RAB8A: variants seen among roughly 807,000 people sequenced by gnomAD.
RAB8A encodes RAB8A, member RAS oncogene family.
Under a neutral mutation model 29.2 loss-of-function variants are expected in RAB8A, and 5 were observed. That is an observed-to-expected ratio of 0.17 (90% CI 0.09 to 0.36). The LOEUF (loss-of-function observed/expected upper bound fraction) is 0.36, where lower values mean the gene tolerates loss of function less well. Ranked by LOEUF, RAB8A falls within the 10% of genes least tolerant of loss-of-function variation. RAB8A has a pLI of 1.00. For synonymous variants in RAB8A, 108 were observed against 99.9 expected (o/e 1.08, Z -0.49); for missense variants, 171 against 272.2 (o/e 0.63, Z 2.62).
chr19:16,131,884 T>TTGGTTGGTTGGA (rs2090926169), intron 7 of RAB8A, among the ~76,000 whole-genome samples: 2 of 145,020 alleles, frequency 1.4e-5, no homozygotes, highest in South Asian at 4.3e-4. Flanking sequence ...GGTTGGTTGG[T>TTGGTTGGTTGGA]TGGTTGGTTG....
chr19:16,130,863 G>T (rs985432998), intron 7 of RAB8A, among the ~76,000 whole-genome samples: 1 of 151,440 alleles, frequency 6.6e-6, no homozygotes, highest in Non-Finnish European at 1.5e-5. Context: ...TCGCTCTGTT[G>T]CCCAGGCTAG....
intron 1 of RAB8A, among the ~76,000 whole-genome samples, chr19:16,117,112 T>G (rs2090849587): frequency 6.6e-6 from 1 of 152,216 alleles, no homozygotes; most frequent in African/African-American, 2.4e-5. Context: ...ACTCCGTTCC[T>G]TTTTATGACT....
intron 3 of RAB8A, chr19:16,123,880 G>A (rs1377446707): frequency 1.3e-5 from 2 of 152,060 alleles, no homozygotes; most frequent in East Asian, 3.9e-4. Context: ...GGAGCCCTGA[G>A]GGGTGTTTCC....
intron 2 of RAB8A, among the ~76,000 whole-genome samples, chr19:16,118,615 G>A (rs1381822261): frequency 6.6e-6 from 1 of 152,208 alleles, no homozygotes; most frequent in Non-Finnish European, 1.5e-5. Context: ...CCCTCTCAGT[G>A]CCAGGTGCTG....
chr19:16,114,260 C>T (rs879087430), intron 1 of RAB8A, among the ~76,000 whole-genome samples: 2 of 151,518 alleles, frequency 1.3e-5, no homozygotes, highest in African/African-American at 4.9e-5. Context: ...AGAGCGAGAC[C>T]CTGTCTTAAA....
intron 1 of RAB8A, among the ~76,000 whole-genome samples, chr19:16,114,049 C>T (rs2090835184): frequency 6.6e-6 from 1 of 152,140 alleles, no homozygotes; most frequent in Non-Finnish European, 1.5e-5. Context: ...GTGCTCCAAC[C>T]AATCAAGAAG....
chr19:16,132,132 G>A lies in RAB8A; in HGVS notation c.532-80G>A, dbSNP rs2090927790. 9.1e-7 allele frequency: 1 copy of A among 1,100,556 alleles called. No individual in the cohort carries two copies. The highest frequency in any genetic ancestry group is 1.4e-6 in the Non-Finnish European group (1 of 722,994). 68.2% of individuals were successfully genotyped at this position (1,100,556 alleles called of 1,614,324 possible). On this transcript the variant is annotated intron_variant, in intron 7 of 7. Coordinates refer to ENST00000300935, the MANE Select transcript of RAB8A (RefSeq NM_005370.5). The surrounding 1 kb of genome is among the most constrained non-coding windows in gnomAD (Gnocchi z 5.6). ...TGGTTGGATGGATGGTTAGGTGGAT[G>A]GTTAGGTGGATGGCTGGTTGATTGT...
Position 16,134,062 on chromosome 19 carries a change from C to T in RAB8A, c.*1758C>T, listed in dbSNP as rs1265397496. On this transcript the variant is annotated 3_prime_UTR_variant, in exon 8 of 8. Coordinates refer to ENST00000300935, the MANE Select transcript of RAB8A (RefSeq NM_005370.5). Reference sequence around the variant, plus strand: ...AAGACCACACCCAGGTCCAGTCATTCCCTAGGACTTGGCAGAGAGCTGTAC... The same window carrying T: ...AAGACCACACCCAGGTCCAGTCATTTCCTAGGACTTGGCAGAGAGCTGTAC... 6.6e-6 allele frequency: 1 copy of T among 152,348 alleles called. No homozygotes were observed. The highest frequency in any genetic ancestry group is 1.5e-5 in the Non-Finnish European group (1 of 68,170). The allele number at this position is 152,348 out of a possible 1,614,324, so 9.4% of individuals were successfully genotyped here.
At chr19:16,119,282 C>G (rs188792271) in intron 2 of RAB8A, among the ~76,000 whole-genome samples, 1 of 151,968 alleles carries the variant, frequency 6.6e-6, no homozygotes, top group African/African-American at 2.4e-5. Context: ...CTTGTCTCAC[C>G]GCAACCTCTG....
At position 16,127,272 on chromosome 19, in the gene RAB8A, G is replaced by A. The variant is rs41278188; in HGVS notation, c.325-165G>A. On this transcript the variant is annotated intron_variant, in intron 4 of 7. Transcript: ENST00000300935. The surrounding 1 kb of genome is among the most constrained non-coding windows in gnomAD (Gnocchi z 4.8). ...CCCTGGCATTGGCTGTGTGACATGG[G>A]GCCGGCTGCTTGGCCTCTCTGAGCT... 0.029 allele frequency among the ~76,000 whole-genome samples: 4,461 copies of A among 152,228 alleles called. 112 individuals carry two copies. Among genetic ancestry groups the A allele is most frequent in the Middle Eastern group, 0.075 (22 of 294 alleles).
Position 16,131,128 on chromosome 19 carries a change from T to C in RAB8A, c.532-1084T>C, listed in dbSNP as rs2090922783. ...TGTGGGCCACCCCGCCTGGCCATTT[T>C]TTCTTTTTTAAGAGGCAGGATCTCA... On this transcript the variant is annotated intron_variant, in intron 7 of 7. Transcript: ENST00000300935. Among the ~76,000 whole-genome samples, 3 of 151,862 alleles carry C rather than the reference T, an allele frequency of 2.0e-5. No individual in the cohort carries two copies. In the South Asian group the frequency reaches 6.2e-4, roughly 32 times the overall value.
chr19:16,112,103 CT>C (rs1164772027), intron 1 of RAB8A, 78 bp downstream of exon 1: 4 of 1,571,782 alleles, frequency 2.5e-6, no homozygotes, highest in Non-Finnish European at 3.5e-6. Context: ...GCTGAGGGAT[CT>C]ACAGGGCTGG....
At chr19:16,127,000 CA>C (rs879725412) in intron 4 of RAB8A, 18 of 146,786 alleles carry the variant, frequency 1.2e-4, no homozygotes, top group South Asian at 4.3e-4. Flanking sequence ...CAAAAAAAAA[CA>C]AAAAAAAAAG....
At chr19:16,128,439 G>C (rs1475774139) in intron 6 of RAB8A, among the ~76,000 whole-genome samples, 1 of 152,142 alleles carries the variant, frequency 6.6e-6, no homozygotes, top group Non-Finnish European at 1.5e-5. Flanking sequence ...CACTCACCCT[G>C]GAGAGGCCCC....
chr19:16,121,770 G>C lies in RAB8A; in HGVS notation c.206G>C (p.Arg69Pro). The C allele has an allele frequency of 6.2e-7, 1 of 1,614,036 alleles. No individual in the cohort carries two copies. The highest frequency in any genetic ancestry group is 8.5e-7 in the Non-Finnish European group (1 of 1,179,916). Reference sequence around the variant, plus strand: ...TTTAGGGACACAGCCGGTCAGGAACGGTTTCGGACGATCACAACGGCCTAC... The same window carrying C: ...TTTAGGGACACAGCCGGTCAGGAACCGTTTCGGACGATCACAACGGCCTAC... ...LQIWDTAGQERFRTITTAYYR... is the reference protein window; with the variant it reads ...LQIWDTAGQEPFRTITTAYYR... Residue 69 changes from arginine to proline, a missense_variant, in exon 3 of 8, where the codon CGG becomes CCG. Arg to Pro is a moderately radical substitution (Grantham distance 103). This residue lies in a region of RAB8A where 145 missense variants were observed against 212.8 expected (regional missense o/e 0.68). Transcript: ENST00000300935.
Position 16,127,601 on chromosome 19 carries a change from C to CCT in RAB8A, c.414+78_414+79dup. ...TGTGCAGAGGCCTTCCCCTGTCCCTCCTCTGCCCCAGGGGCCTGAGACGAG... is the reference window on the plus strand; with the variant it reads ...TGTGCAGAGGCCTTCCCCTGTCCCTCCTCTCTGCCCCAGGGGCCTGAGACGAG... On this transcript the variant is annotated intron_variant, in intron 5 of 7. Coordinates refer to ENST00000300935, the MANE Select transcript of RAB8A (RefSeq NM_005370.5). This position sits in a 1 kb window ranked among gnomAD's most constrained non-coding sequence, Gnocchi z 4.8. 1 of 1,203,416 alleles carries CCT rather than the reference C, an allele frequency of 8.3e-7. No individual in the cohort carries two copies. The highest frequency in any genetic ancestry group is 2.9e-5 in the Admixed American group (1 of 34,220). 74.5% of individuals were successfully genotyped at this position (1,203,416 alleles called of 1,614,324 possible).
chr19:16,122,066 G>A lies in RAB8A; in HGVS notation c.246+256G>A. On this transcript the variant is annotated intron_variant, in intron 3 of 7. Transcript: ENST00000300935. The surrounding 1 kb of genome is among the most constrained non-coding windows in gnomAD (Gnocchi z 4.7). ...ACATAATTCTTTGGGAATGAAGAAA[G>A]ACACAGGAAGCCGGTTCTTCCAGGT... The A allele has an allele frequency of 2.4e-6, 1 of 421,458 alleles. No individual in the cohort carries two copies. The highest frequency in any genetic ancestry group is 4.3e-6 in the Non-Finnish European group (1 of 230,116). The allele number at this position is 421,458 out of a possible 1,614,324, so 26.1% of individuals were successfully genotyped here. A position where few individuals can be genotyped will look rare whatever the true frequency, so the allele number is the denominator to read the frequency against.
At chr19:16,121,681 C>T (rs2090875939) in intron 2 of RAB8A, 69 bp from the exon 3 acceptor site, 12 of 1,434,280 alleles carry the variant, frequency 8.4e-6, no homozygotes, top group Middle Eastern at 1.7e-4. Context: ...CGGGTAGATG[C>T]TCCTTGTCTC....
rs1285977380 is a variant in RAB8A at position 16,129,620 on chromosome 19, TC to T, written c.531+18del. The T allele has an allele frequency of 3.1e-6, 5 of 1,612,924 alleles. No homozygotes were observed. The highest frequency in any genetic ancestry group is 4.2e-6 in the Non-Finnish European group (5 of 1,179,360). ...CAAAAAATTGGTGAGTGTGTGTCCT[TC>T]CGAGATCCCCGGGTGGATCTCTGGG... On this transcript the variant is annotated intron_variant, in intron 7 of 7. Transcript: ENST00000300935.
Sources: gnomAD v4.1 joint callset for allele counts (sites outside exome capture counted in the v4.1 genomes callset) on GRCh38, gnomAD v4.1.1 for gene constraint, gnomAD v4.1.1 regional missense constraint, Gnocchi (gnomAD v3.1) non-coding constraint, MANE v1.5 for transcripts, NCBI Gene and HGNC (gene_info 2026-07-23, HGNC 2026-07-21) for gene names.